Variants in SPDL1 observed in about 807,000 individuals in gnomAD.
The protein encoded by SPDL1 is spindle apparatus coiled-coil protein 1, also known as protein Spindly.
A neutral mutation model predicts 79.5 loss-of-function variants in SPDL1; 85 were observed. That is an observed-to-expected ratio of 1.07 (90% CI 0.90 to 1.28). SPDL1 has a LOEUF of 1.28. Among genes scored for constraint, SPDL1 ranks in the 50% most tolerant of loss-of-function variants. The probability of loss-of-function intolerance (pLI) is 0.00; values close to 1 mark genes in which losing one functional copy is unlikely to be tolerated. For missense variants in SPDL1, 703 were observed against 697.8 expected (o/e 1.01, Z -0.08); for synonymous variants, 269 against 240.3 (o/e 1.12, Z -1.10).
At chr5:169,602,142 A>ATTTTTT in intron 11 of SPDL1, 1 of 172,576 alleles carries the variant, frequency 5.8e-6, no homozygotes, top group Non-Finnish European at 1.2e-5. Flanking sequence ...ATTGTTTCCA[A>ATTTTTT]AACTTGAAAG....
intron 10 of SPDL1, among the ~76,000 whole-genome samples, chr5:169,600,985 T>TA (rs1755846520): frequency 6.6e-6 from 1 of 152,202 alleles, no homozygotes. Context: ...ACTGAGATCT[T>TA]ATGAACCACC....
At chr5:169,584,689 A>G (rs1326681359) in intron 1 of SPDL1, among the ~76,000 whole-genome samples, 2 of 152,224 alleles carry the variant, frequency 1.3e-5, no homozygotes, top group East Asian at 3.8e-4. Context: ...TGGTTGCAGC[A>G]CCATGGTTTC....
chr5:169,594,552 G>T lies in SPDL1; in HGVS notation c.781-19G>T. On this transcript the variant is annotated intron_variant, in intron 6 of 11. Coordinates refer to ENST00000265295, the MANE Select transcript of SPDL1 (RefSeq NM_017785.5). ...TTTCATTTACTACCAGAACAATTAA[G>T]CATGTTAATATTTTGTAGGTGGAAG... 6.2e-7 allele frequency: 1 copy of T among 1,611,682 alleles called. No homozygotes were observed. Among genetic ancestry groups the T allele is most frequent in the Non-Finnish European group, 8.5e-7 (1 of 1,177,838 alleles).
intron 3 of SPDL1, among the ~76,000 whole-genome samples, chr5:169,593,032 T>C (rs1755381284): frequency 6.6e-6 from 1 of 152,198 alleles, no homozygotes; most frequent in Admixed American, 6.5e-5. Context: ...CCTGGACTAC[T>C]GCTGTAGCCT....
intron 11 of SPDL1, among the ~76,000 whole-genome samples, chr5:169,603,711 G>T (rs566822648): frequency 6.6e-6 from 1 of 152,080 alleles, no homozygotes. Flanking sequence ...AAAATTAGCT[G>T]CATGTGGGGG....
intron 9 of SPDL1, 130 bp from the exon 10 acceptor site, chr5:169,598,842 C>G: frequency 8.0e-7 from 1 of 1,252,150 alleles, no homozygotes; most frequent in Non-Finnish European, 1.1e-6. Flanking sequence ...TTTATTGTTT[C>G]TTTGTTACTA....
chr5:169,586,584 CATT>C (rs952047704), intron 1 of SPDL1, among the ~76,000 whole-genome samples: 4 of 152,308 alleles, frequency 2.6e-5, no homozygotes, highest in African/African-American at 9.6e-5. Flanking sequence ...ATTTCCAAAA[CATT>C]ATTTACATCA....
chr5:169,602,374 G>C (rs1033389911), intron 11 of SPDL1, among the ~76,000 whole-genome samples: 8 of 152,150 alleles, frequency 5.3e-5, no homozygotes, highest in African/African-American at 1.7e-4. Flanking sequence ...GAAAGTAAAA[G>C]AAAGATGAAG....
chr5:169,588,345 A>G (rs1434220850), intron 1 of SPDL1, 49 bp from the exon 2 acceptor site: 28 of 1,275,754 alleles, frequency 2.2e-5, no homozygotes, highest in Non-Finnish European at 2.9e-5. Flanking sequence ...ATATTATTGC[A>G]TGGAGTTTTT....
rs941985525 is a variant in SPDL1, at chr5:169,593,374, A to G, written c.357A>G (p.Glu119=). ...TTTAGATAGAAAAACTGAAAGTGGA[A>G]TTAGATGAAGCCAGGCTTAGTGAAA... ...LKTKIEKLKV[E]LDEARLSEKQ... is the part of the protein sequence containing the mutation. Residue 119 remains glutamate (E), a synonymous_variant, in exon 4 of 12, where the codon GAA becomes GAG. Transcript: ENST00000265295. The G allele has an allele frequency of 6.3e-7, 1 of 1,591,522 alleles. No individual in the cohort carries two copies. Among genetic ancestry groups the G allele is most frequent in the African/African-American group, 1.4e-5 (1 of 73,204 alleles).
chr5:169,604,170 C>T lies in SPDL1; in HGVS notation c.1781C>T (p.Ser594Phe), dbSNP rs759284047. 3 of 1,607,966 alleles carry T rather than the reference C, an allele frequency of 1.9e-6. No homozygotes were observed. Among genetic ancestry groups the T allele is most frequent in the Admixed American group, 3.4e-5 (2 of 58,886 alleles). ...TTACACCCTATTCTATATGTGTCTT[C>T]TAAATCTACTCCAGAGACCCAGTGC... Reference protein sequence around the residue: ...KKLHPILYVSSKSTPETQCPQ... With the variant: ...KKLHPILYVSFKSTPETQCPQ... Residue 594 changes from serine (S) to phenylalanine (F), a missense_variant, in exon 12 of 12, where the codon TCT becomes TTT. By Grantham distance (155) the Ser-to-Phe change is radical. Transcript: ENST00000265295.
At chr5:169,595,500 A>AC (rs900570316) in intron 7 of SPDL1, 1 of 152,126 alleles carries the variant, frequency 6.6e-6, no homozygotes, top group Non-Finnish European at 1.5e-5. Context: ...AGATGATAGA[A>AC]CCCCCTCTTA....
At chr5:169,591,355 A>C (rs1236319763) in intron 3 of SPDL1, 131 bp downstream of exon 3, 1 of 833,070 alleles carries the variant, frequency 1.2e-6, no homozygotes, top group Non-Finnish European at 1.8e-6. Flanking sequence ...CATTATCTTA[A>C]TATTGGGGGT....
intron 8 of SPDL1, among the ~76,000 whole-genome samples, chr5:169,597,717 A>C (rs914317494): frequency 4.6e-5 from 7 of 152,152 alleles, no homozygotes; most frequent in East Asian, 1.9e-4. Flanking sequence ...AATTTTTGTA[A>C]ATGTTAATAA....
intron 2 of SPDL1, chr5:169,590,720 C>G (rs2113337431): frequency 2.2e-6 from 1 of 464,690 alleles, no homozygotes; most frequent in African/African-American, 2.0e-5. Context: ...ATGAGGAAAG[C>G]TTAAGTGCTG....
chr5:169,590,475 G>A (rs1208575073), intron 2 of SPDL1, among the ~76,000 whole-genome samples: 9 of 152,136 alleles, frequency 5.9e-5, no homozygotes, highest in African/African-American at 4.8e-5. Flanking sequence ...GAAGGAGTTC[G>A]TACTTGTAAC....
chr5:169,595,881 G>A lies in SPDL1; in HGVS notation c.892-680G>A, dbSNP rs552943499. On this transcript the variant is annotated intron_variant, in intron 7 of 11. Coordinates refer to ENST00000265295, the MANE Select transcript of SPDL1 (RefSeq NM_017785.5). ...CATCTGCAACCTCATATCATTGATTGTTTTACTCAAAACTATATTTAAACT... is the reference window on the plus strand; with the variant it reads ...CATCTGCAACCTCATATCATTGATTATTTTACTCAAAACTATATTTAAACT... 4 of 152,202 alleles carry A rather than the reference G, an allele frequency of 2.6e-5. 1 individual carries two copies. Among genetic ancestry groups the A allele is most frequent in the African/African-American group, 9.6e-5 (4 of 41,538 alleles). 9.4% of individuals were successfully genotyped at this position (152,202 alleles called of 1,614,324 possible). A position where few individuals can be genotyped will look rare whatever the true frequency, so the allele number is the denominator to read the frequency against.
intron 7 of SPDL1, 90 bp from the exon 8 acceptor site, chr5:169,596,471 T>G: frequency 2.7e-6 from 3 of 1,127,368 alleles, no homozygotes; most frequent in African/African-American, 1.6e-5. Context: ...CAAAGTAATA[T>G]AGTACAAATT....
chr5:169,587,431 T>G (rs916857440), intron 1 of SPDL1: 1 of 152,234 alleles, frequency 6.6e-6, no homozygotes, highest in African/African-American at 2.4e-5. Flanking sequence ...ATTAGTAAGG[T>G]TGATTAAAGT....
Sources: allele counts gnomAD v4.1 joint callset (sites outside exome capture counted in the v4.1 genomes callset), GRCh38; gene constraint gnomAD v4.1.1; transcripts MANE v1.5; gene names NCBI Gene and HGNC (gene_info 2026-07-23, HGNC 2026-07-21).